Variants in AP3S2 observed in about 807,000 individuals in gnomAD.
The protein encoded by AP3S2 is AP-3 complex subunit sigma-2.
A neutral mutation model predicts 23.4 loss-of-function variants in AP3S2; 22 were observed. The ratio of observed to expected loss-of-function variants is 0.94; its 90% confidence interval spans 0.67 to 1.34. The LOEUF is 1.34. Ranked by LOEUF, AP3S2 falls within the 40% of genes most tolerant of loss-of-function variation. AP3S2 has a pLI of 0.00. For missense variants in AP3S2, 241 were observed against 236.9 expected, an observed-to-expected ratio of 1.02 and a Z score of -0.11; for synonymous variants, 86 against 87.1, an observed-to-expected ratio of 0.99 and a Z score of 0.07.
At chr15:89,845,582 G>A (rs1895467062) in intron 4 of AP3S2, 1 of 152,198 alleles carries the variant, frequency 6.6e-6, no homozygotes, top group African/African-American at 2.4e-5. Flanking sequence ...ACAAAGAAGG[G>A]TTCTGTTAAA....
At chr15:89,891,654 G>C (rs540857441) in intron 1 of AP3S2, among the ~76,000 whole-genome samples, 1 of 150,722 alleles carries the variant, frequency 6.6e-6, no homozygotes, top group African/African-American at 2.4e-5. Flanking sequence ...ATTCAGTCTC[G>C]GAGGGAAAAA....
In AP3S2 at chr15:89,871,628, G is replaced by T. The variant is rs952735728; in HGVS notation, c.274-82C>A. On this transcript the variant is annotated intron_variant, in intron 3 of 5. Coordinates refer to ENST00000336418, the MANE Select transcript of AP3S2 (RefSeq NM_005829.5). ...ATCAATGTCACATCTGAAAGTAAAA[G>T]GGGCTGTCACAATACTATTTACTTT... The T allele has an allele frequency of 2.7e-5, 38 of 1,414,184 alleles. No individual in the cohort carries two copies. In the African/African-American group the frequency reaches 3.9e-4, roughly 14 times the overall value. The allele number at this position is 1,414,184 out of a possible 1,614,324, so 87.6% of individuals were successfully genotyped here. A position where few individuals can be genotyped will look rare whatever the true frequency, so the allele number is the denominator to read the frequency against.
In AP3S2 at chr15:89,859,182, T is replaced by TTC. The variant is rs1567179040; in HGVS notation, c.345+12292_345+12293insGA. Among the ~76,000 whole-genome samples, 3 of 61,854 alleles carry TTC rather than the reference T, an allele frequency of 4.9e-5. No individual in the cohort carries two copies. The South Asian group carries it at 1.5e-3, about 31-fold the overall frequency. 40.6% of individuals were successfully genotyped at this position (61,854 alleles called of 152,430 possible). A position where few individuals can be genotyped will look rare whatever the true frequency, so the allele number is the denominator to read the frequency against. Reference sequence around the variant, plus strand: ...CCCAAGTGTCCTTCCTTCCTTCCTTTCTTCCTTCCTTCCCTCTCTCCTTGC... The same window carrying TTC: ...CCCAAGTGTCCTTCCTTCCTTCCTTTTCCTTCCTTCCTTCCCTCTCTCCTTGC... On this transcript the variant is annotated intron_variant, in intron 4 of 5. Transcript: ENST00000336418.
intron 3 of AP3S2, among the ~76,000 whole-genome samples, chr15:89,888,090 A>C (rs960933140): frequency 6.6e-6 from 1 of 152,250 alleles, no homozygotes; most frequent in African/African-American, 2.4e-5. Context: ...TTAAGTTTTC[A>C]ATGTAGCATC....
At position 89,871,551 on chromosome 15, in the gene AP3S2, A is replaced by C; in HGVS notation, c.274-5T>G. The C allele has an allele frequency of 6.2e-7, 1 of 1,612,918 alleles. No individual in the cohort carries two copies. The highest frequency in any genetic ancestry group is 1.1e-5 in the South Asian group (1 of 90,704). On this transcript the variant is annotated splice_polypyrimidine_tract_variant and splice_region_variant and intron_variant, in intron 3 of 5. Coordinates refer to ENST00000336418, the MANE Select transcript of AP3S2 (RefSeq NM_005829.5). ...ATCCAGAGTTTCCACAAAAACCTAG[A>C]AAACAAGGAGAAATAGATAAAGAAG...
At chr15:89,866,953 C>T (rs1896139034) in intron 4 of AP3S2, among the ~76,000 whole-genome samples, 1 of 151,346 alleles carries the variant, frequency 6.6e-6, no homozygotes, top group Non-Finnish European at 1.5e-5. Flanking sequence ...ATGGGCTCTT[C>T]TCTTGCTTTG....
At chr15:89,858,072 T>A (rs532872073) in intron 4 of AP3S2, among the ~76,000 whole-genome samples, 1 of 152,000 alleles carries the variant, frequency 6.6e-6, no homozygotes, top group African/African-American at 2.4e-5. Flanking sequence ...GATTTTGGAG[T>A]AATGCATTAC....
chr15:89,882,923 T>C (rs1896606258), intron 3 of AP3S2, among the ~76,000 whole-genome samples: 1 of 152,242 alleles, frequency 6.6e-6, no homozygotes, highest in African/African-American at 2.4e-5. Context: ...GGAATTATAC[T>C]TGGTTTTCCA....
chr15:89,842,200 GA>G (rs546123908), intron 4 of AP3S2, among the ~76,000 whole-genome samples: 7 of 139,732 alleles, frequency 5.0e-5, no homozygotes, highest in South Asian at 4.5e-4. Flanking sequence ...GAGAGAAATG[GA>G]AAAAAAAAAT....
chr15:89,858,805 T>C (rs1895929562), intron 4 of AP3S2, among the ~76,000 whole-genome samples: 1 of 152,182 alleles, frequency 6.6e-6, no homozygotes, highest in African/African-American at 2.4e-5. Flanking sequence ...GCATATCAAA[T>C]GAATATCTCT....
At chr15:89,853,581 T>A (rs370194797) in intron 4 of AP3S2, among the ~76,000 whole-genome samples, 2 of 148,118 alleles carry the variant, frequency 1.4e-5, no homozygotes, top group East Asian at 2.0e-4. Flanking sequence ...TCGTCTGGGA[T>A]GTGAGGAGCC....
At chr15:89,848,440 A>C (rs1317149028) in intron 4 of AP3S2, among the ~76,000 whole-genome samples, 5 of 152,192 alleles carry the variant, frequency 3.3e-5, no homozygotes, top group Non-Finnish European at 5.9e-5. Context: ...GGCTCACTGC[A>C]GGCTCCGCCT....
intron 3 of AP3S2, chr15:89,878,443 G>A (rs761473347): frequency 2.1e-6 from 1 of 468,584 alleles, no homozygotes; most frequent in Non-Finnish European, 3.7e-6. Context: ...GACAAATATC[G>A]TAGACATTTC....
intron 3 of AP3S2, among the ~76,000 whole-genome samples, chr15:89,883,531 G>A (rs1456888637): frequency 6.6e-6 from 1 of 151,964 alleles, no homozygotes; most frequent in East Asian, 1.9e-4. Context: ...GAGTAGCTGG[G>A]ACCACAGGGG....
chr15:89,859,380 TCC>T (rs1224146858), intron 4 of AP3S2, among the ~76,000 whole-genome samples: 477 of 108,796 alleles, frequency 4.4e-3, no homozygotes, highest in East Asian at 0.015. Flanking sequence ...CTTCCTTCCT[TCC>T]TTCCTTTTCT....
At chr15:89,858,082 C>A (rs1285022313) in intron 4 of AP3S2, among the ~76,000 whole-genome samples, 1 of 152,188 alleles carries the variant, frequency 6.6e-6, no homozygotes, top group Non-Finnish European at 1.5e-5. Context: ...TAATGCATTA[C>A]CTAGCCTACC....
intron 4 of AP3S2, among the ~76,000 whole-genome samples, chr15:89,851,935 A>G (rs929601729): frequency 1.3e-5 from 2 of 152,170 alleles, no homozygotes; most frequent in African/African-American, 2.4e-5. Context: ...AAAGATCCAG[A>G]CCTTGTCCTT....
At chr15:89,869,211 T>G (rs1204442485) in intron 4 of AP3S2, among the ~76,000 whole-genome samples, 5 of 149,236 alleles carry the variant, frequency 3.4e-5, no homozygotes, top group African/African-American at 9.8e-5. Flanking sequence ...AGACTTTTCA[T>G]TTTGTTCTGC....
intron 3 of AP3S2, among the ~76,000 whole-genome samples, chr15:89,884,902 C>T (rs575758573): frequency 6.6e-6 from 1 of 152,242 alleles, no homozygotes; most frequent in Non-Finnish European, 1.5e-5. Flanking sequence ...CCTGCCTCGG[C>T]CCCCAAAGTG....
Sources: gnomAD v4.1 joint callset for allele counts (sites outside exome capture counted in the v4.1 genomes callset) on GRCh38, gnomAD v4.1.1 for gene constraint, MANE v1.5 for transcripts, NCBI Gene and HGNC (gene_info 2026-07-23, HGNC 2026-07-21) for gene names.